The following CDH9 variants were observed in gnomAD, a reference collection of about 807,000 sequenced individuals.
CDH9 encodes cadherin-9.
A neutral mutation model predicts 70.9 loss-of-function variants in CDH9; 28 were observed. The observed-to-expected ratio is 0.40, with a 90% CI of 0.29 to 0.54. The LOEUF (loss-of-function observed/expected upper bound fraction) is 0.54. Ranked by LOEUF, CDH9 falls within the 20% of genes least tolerant of loss-of-function variation. CDH9 has a pLI of 0.59. For synonymous variants in CDH9, 409 were observed against 343.1 expected (o/e 1.19, Z -2.12); for missense variants, 874 against 984.4 (o/e 0.89, Z 1.50).
chr5:27,036,121 A>G (rs1158218568), intron 1 of CDH9, among the ~76,000 whole-genome samples: 1 of 151,928 alleles, frequency 6.6e-6, no homozygotes, highest in African/African-American at 2.4e-5. Context: ...TACTGTAGAA[A>G]TATTGTGGGG....
chr5:26,942,914 C>A (rs1741687709), intron 2 of CDH9, among the ~76,000 whole-genome samples: 1 of 152,104 alleles, frequency 6.6e-6, no homozygotes. Context: ...AATTGTAATG[C>A]AAAGGATGTG....
intron 2 of CDH9, among the ~76,000 whole-genome samples, chr5:26,935,956 T>G (rs1741551402): frequency 6.6e-6 from 1 of 152,274 alleles, no homozygotes; most frequent in East Asian, 1.9e-4. Context: ...CACAGCAACT[T>G]GGATGCAGCT....
In CDH9 at chr5:26,912,626, A is replaced by G. The variant is rs148987419; in HGVS notation, c.523+3004T>C. ...GGACATTTGATTTAAAGTAATAAAT[A>G]AGAAAGATACTAATTTACAGGAGTT... On this transcript the variant is annotated intron_variant, in intron 3 of 11. Transcript: ENST00000231021. Among the ~76,000 whole-genome samples the G allele has an allele frequency of 8.4e-3, 1,281 of 152,106 alleles. 14 individuals carry two copies. Among genetic ancestry groups the G allele is most frequent in the Middle Eastern group, 0.072 (21 of 292 alleles).
At chr5:26,909,843 A>G (rs1225853582) in intron 3 of CDH9, among the ~76,000 whole-genome samples, 2 of 152,014 alleles carry the variant, frequency 1.3e-5, no homozygotes, top group Non-Finnish European at 2.9e-5. Flanking sequence ...ATAATAGTAA[A>G]TCATGAAGAA....
chr5:27,002,956 A>C (rs925128703), intron 1 of CDH9, among the ~76,000 whole-genome samples: 2 of 152,090 alleles, frequency 1.3e-5, no homozygotes, highest in African/African-American at 4.8e-5. Context: ...AAGTAAAATA[A>C]AAAGACAAAA....
chr5:26,908,953 A>C (rs1740998416), intron 3 of CDH9, among the ~76,000 whole-genome samples: 1 of 152,264 alleles, frequency 6.6e-6, no homozygotes, highest in South Asian at 2.1e-4. Flanking sequence ...TAGTAATAAA[A>C]TTAAATAGAA....
chr5:27,030,233 C>T (rs899892696), intron 1 of CDH9, among the ~76,000 whole-genome samples: 1 of 151,734 alleles, frequency 6.6e-6, no homozygotes, highest in African/African-American at 2.4e-5. Context: ...GGTTCATTTC[C>T]CGTAGTAGGG....
intron 1 of CDH9, among the ~76,000 whole-genome samples, chr5:27,035,962 A>G (rs1439334212): frequency 1.3e-5 from 2 of 151,824 alleles, no homozygotes. Context: ...GCCAATGTTT[A>G]TTCATGACAC....
chr5:26,927,462 A>G (rs1741362585), intron 2 of CDH9, among the ~76,000 whole-genome samples: 2 of 151,904 alleles, frequency 1.3e-5, no homozygotes, highest in African/African-American at 4.8e-5. Context: ...AGCTTTGGCT[A>G]CTCTAGGTCT....
chr5:26,956,960 G>C (rs1741956697), intron 2 of CDH9, among the ~76,000 whole-genome samples: 1 of 149,454 alleles, frequency 6.7e-6, no homozygotes, highest in African/African-American at 2.4e-5. Context: ...CAGTATTAGA[G>C]ATAGTCATTA....
At chr5:26,957,869 G>T (rs1377525486) in intron 2 of CDH9, among the ~76,000 whole-genome samples, 1 of 99,294 alleles carries the variant, frequency 1.0e-5, no homozygotes, top group Non-Finnish European at 2.9e-5. Context: ...TTTATATACG[G>T]ATTCTATTTA....
At chr5:26,904,516 C>A (rs1162610356) in intron 5 of CDH9, among the ~76,000 whole-genome samples, 1 of 152,008 alleles carries the variant, frequency 6.6e-6, no homozygotes, top group African/African-American at 2.4e-5. Flanking sequence ...GGCTTATATG[C>A]TAATTTATTT....
At chr5:27,004,043 T>C (rs1579507297) in intron 1 of CDH9, among the ~76,000 whole-genome samples, 1 of 148,054 alleles carries the variant, frequency 6.8e-6, no homozygotes, top group East Asian at 2.0e-4. Flanking sequence ...ATAAAGCAAG[T>C]TGAGTGGAGG....
intron 2 of CDH9, among the ~76,000 whole-genome samples, chr5:26,927,528 C>T: frequency 6.6e-6 from 1 of 152,146 alleles, no homozygotes; most frequent in East Asian, 1.9e-4. Context: ...CCGGCTCTAT[C>T]ACATACCGGG....
intron 2 of CDH9, among the ~76,000 whole-genome samples, chr5:26,967,099 AT>A (rs1318866502): frequency 2.6e-5 from 4 of 151,690 alleles, no homozygotes; most frequent in Non-Finnish European, 5.9e-5. Flanking sequence ...CGCCTGGCTA[AT>A]TTTTTATTTT....
intron 2 of CDH9, among the ~76,000 whole-genome samples, chr5:26,943,547 T>G (rs1457503199): frequency 1.3e-5 from 2 of 149,720 alleles, no homozygotes; most frequent in African/African-American, 4.9e-5. Flanking sequence ...AGGAATCTCA[T>G]GAGGCTCCAG....
intron 2 of CDH9, among the ~76,000 whole-genome samples, chr5:26,925,181 G>T (rs191199037): frequency 6.6e-6 from 1 of 152,164 alleles, no homozygotes; most frequent in African/African-American, 2.4e-5. Context: ...TTGTAAAAGC[G>T]TTCCTATTTC....
intron 1 of CDH9, among the ~76,000 whole-genome samples, chr5:27,002,338 C>T (rs908129199): frequency 2.6e-5 from 4 of 152,114 alleles, no homozygotes; most frequent in Non-Finnish European, 4.4e-5. Context: ...TAAACTAGTT[C>T]AACCATTGTG....
chr5:26,882,675 A>C (rs1416735269), intron 11 of CDH9, among the ~76,000 whole-genome samples: 1 of 152,062 alleles, frequency 6.6e-6, no homozygotes, highest in Non-Finnish European at 1.5e-5. Context: ...AACACACTTC[A>C]GCATTACCAG....
Sources: allele counts gnomAD v4.1 joint callset (sites outside exome capture counted in the v4.1 genomes callset), GRCh38; gene constraint gnomAD v4.1.1; transcripts MANE v1.5; gene names NCBI Gene and HGNC (gene_info 2026-07-23, HGNC 2026-07-21).